Variants in ENAH observed in about 807,000 individuals in gnomAD.
ENAH encodes protein enabled homolog.
ENAH carries 23 observed loss-of-function variants against 78.7 expected under a neutral mutation model. The observed-to-expected ratio is 0.29, with a 90% CI of 0.21 to 0.41. ENAH has a LOEUF of 0.41. ENAH is among the 10% of genes least tolerant of loss of function. The pLI is 1.00. For missense variants in ENAH, 544 were observed against 691.0 expected (o/e 0.79, Z 2.39); for synonymous variants, 226 against 241.0 (o/e 0.94, Z 0.58).
chr1:225,632,370 C>T (rs915677044), intron 1 of ENAH, among the ~76,000 whole-genome samples: 2 of 151,926 alleles, frequency 1.3e-5, no homozygotes, highest in Non-Finnish European at 2.9e-5. Flanking sequence ...TAGTGGCAGG[C>T]GCCTGTAATC....
At position 225,514,868 on chromosome 1, in the gene ENAH, G is replaced by C. The variant is rs2096405641; in HGVS notation, c.946C>G (p.Pro316Ala). The C allele has an allele frequency of 3.7e-6, 6 of 1,608,158 alleles. No homozygotes were observed. The highest frequency in any genetic ancestry group is 5.1e-6 in the Non-Finnish European group (6 of 1,178,442). ...GCAGGCCCTGGTGGGAGTGGTGGAGGAGGTGGAGGTGCAAGTGGTCCCAAG... is the reference window on the plus strand; with the variant it reads ...GCAGGCCCTGGTGGGAGTGGTGGAGCAGGTGGAGGTGCAAGTGGTCCCAAG... ...IVLGPLAPPP[P>A]PPLPPGPAQA... Residue 316 changes from proline (P) to alanine (A), a missense_variant, in exon 7 of 14, where the codon CCT becomes GCT. By Grantham distance (27) the Pro-to-Ala change is conservative (BLOSUM62 -1). This residue lies in a region of ENAH where 366 missense variants were observed against 396.1 expected (regional missense o/e 0.92). Coordinates refer to ENST00000366843, the MANE Select transcript of ENAH (RefSeq NM_018212.6).
At chr1:225,571,035 A>T (rs1327218374) in intron 1 of ENAH, among the ~76,000 whole-genome samples, 2 of 152,084 alleles carry the variant, frequency 1.3e-5, no homozygotes, top group Non-Finnish European at 2.9e-5. Context: ...ATATCTATAA[A>T]GCTTCTACTC....
upstream of ENAH, chr1:225,653,163 G>A (rs1206880236): frequency 6.6e-6 from 1 of 151,046 alleles, no homozygotes; most frequent in Non-Finnish European, 1.5e-5. This position sits in a 1 kb window ranked among gnomAD's most constrained non-coding sequence, Gnocchi z 4.3. Flanking sequence ...CGGGGCGCGC[G>A]GCGGAGGAAC....
At chr1:225,616,180 C>G (rs577478563) in intron 1 of ENAH, among the ~76,000 whole-genome samples, 29 of 152,228 alleles carry the variant, frequency 1.9e-4, no homozygotes, top group Non-Finnish European at 3.1e-4. Context: ...TACCCAGGGA[C>G]ACAAACACTG....
chr1:225,583,428 T>A, intron 1 of ENAH, among the ~76,000 whole-genome samples: 1 of 74,754 alleles, frequency 1.3e-5, no homozygotes. Context: ...AGGAAGACCC[T>A]GTATCAAAAA....
chr1:225,622,863 G>A (rs896102855), intron 1 of ENAH, among the ~76,000 whole-genome samples: 2 of 152,136 alleles, frequency 1.3e-5, no homozygotes, highest in African/African-American at 4.8e-5. Context: ...GGGGATCACA[G>A]AGAGTAATTT....
chr1:225,513,821 A>C (rs766110840), intron 7 of ENAH, among the ~76,000 whole-genome samples: 1 of 152,002 alleles, frequency 6.6e-6, no homozygotes, highest in Non-Finnish European at 1.5e-5. Flanking sequence ...GCGAAACCCT[A>C]TCTCTACTAA....
intron 2 of ENAH, among the ~76,000 whole-genome samples, chr1:225,558,611 C>T (rs962464808): frequency 7.6e-6 from 1 of 132,106 alleles, no homozygotes; most frequent in Non-Finnish European, 1.6e-5. Context: ...TTGCTTTCTA[C>T]TGCATTAATT....
At chr1:225,566,506 G>A (rs1051998912) in intron 2 of ENAH, among the ~76,000 whole-genome samples, 2 of 152,156 alleles carry the variant, frequency 1.3e-5, no homozygotes, top group African/African-American at 4.8e-5. Context: ...CATTCTTTCC[G>A]CATGTGTAGC....
chr1:225,519,571 A>AG lies in ENAH; in HGVS notation c.435-7_435-6insC, dbSNP rs1558745848. The AG allele has an allele frequency of 1.3e-6, 1 of 756,560 alleles. No homozygotes were observed. The highest frequency in any genetic ancestry group is 1.9e-6 in the Non-Finnish European group (1 of 518,814). 46.9% of individuals were successfully genotyped at this position (756,560 alleles called of 1,614,324 possible). ...GTTGCTGTTCTTGTAGTTGTCTGGAAAAAAAAAAAAAAAAGTAAAAACATG... is the reference window on the plus strand; with the variant it reads ...GTTGCTGTTCTTGTAGTTGTCTGGAAGAAAAAAAAAAAAAAGTAAAAACATG... On this transcript the variant is annotated splice_region_variant and splice_polypyrimidine_tract_variant and intron_variant, in intron 4 of 13. Coordinates refer to ENST00000366843, the MANE Select transcript of ENAH (RefSeq NM_018212.6).
intron 1 of ENAH, among the ~76,000 whole-genome samples, chr1:225,639,090 T>C (rs906336700): frequency 1.3e-5 from 2 of 152,146 alleles, no homozygotes; most frequent in Non-Finnish European, 2.9e-5. Context: ...ATCTACAAAG[T>C]GAAAGTGCAA....
chr1:225,653,541 T>TC (rs1025578660), upstream of ENAH, among the ~76,000 whole-genome samples: 4 of 149,588 alleles, frequency 2.7e-5, no homozygotes, highest in Non-Finnish European at 5.9e-5. The surrounding 1 kb of genome is among the most constrained non-coding windows in gnomAD (Gnocchi z 4.3). Flanking sequence ...CTCCGAGGCC[T>TC]CCCCCACGGC....
At chr1:225,627,679 G>A (rs1658198227) in intron 1 of ENAH, among the ~76,000 whole-genome samples, 1 of 152,162 alleles carries the variant, frequency 6.6e-6, no homozygotes. Context: ...AGTTCTTAGG[G>A]AAAAGCTACT....
chr1:225,595,248 G>A (rs989416738), intron 1 of ENAH, among the ~76,000 whole-genome samples: 2 of 152,028 alleles, frequency 1.3e-5, no homozygotes, highest in Non-Finnish European at 2.9e-5. Flanking sequence ...CAGGAGAATC[G>A]CTTGAACACG....
At chr1:225,642,828 T>C (rs139936288) in intron 1 of ENAH, among the ~76,000 whole-genome samples, 1 of 152,264 alleles carries the variant, frequency 6.6e-6, no homozygotes, top group East Asian at 1.9e-4. Flanking sequence ...AAAATAAAGC[T>C]GTCCAATAAA....
chr1:225,506,713 T>C (rs1036109151), intron 11 of ENAH, among the ~76,000 whole-genome samples: 9 of 152,342 alleles, frequency 5.9e-5, no homozygotes, highest in African/African-American at 2.2e-4. Flanking sequence ...TAAAAGCTTT[T>C]ATACATTCCA....
intron 1 of ENAH, among the ~76,000 whole-genome samples, chr1:225,645,998 C>A (rs1661886712): frequency 6.6e-6 from 1 of 152,104 alleles, no homozygotes; most frequent in Admixed American, 6.6e-5. Flanking sequence ...ATAGAAGGTT[C>A]CCAGTGTAAA....
intron 2 of ENAH, among the ~76,000 whole-genome samples, chr1:225,566,288 A>C (rs1467170346): frequency 2.0e-5 from 3 of 148,760 alleles, no homozygotes; most frequent in African/African-American, 7.3e-5. Flanking sequence ...TGTTTTGCCA[A>C]AATACCAGTT....
At chr1:225,565,730 G>A (rs1008783579) in intron 2 of ENAH, among the ~76,000 whole-genome samples, 1 of 152,038 alleles carries the variant, frequency 6.6e-6, no homozygotes, top group Non-Finnish European at 1.5e-5. Flanking sequence ...ATGAGACAGT[G>A]CTCCCCAGAA....
Sources: gnomAD v4.1 joint callset for allele counts (sites outside exome capture counted in the v4.1 genomes callset) on GRCh38, gnomAD v4.1.1 for gene constraint, gnomAD v4.1.1 regional missense constraint, Gnocchi (gnomAD v3.1) non-coding constraint, MANE v1.5 for transcripts, NCBI Gene and HGNC (gene_info 2026-07-23, HGNC 2026-07-21) for gene names.